Variants in KATNAL2 observed in about 807,000 individuals in gnomAD.
KATNAL2 encodes the protein katanin p60 ATPase-containing subunit A-like 2.
Under a neutral mutation model 76.3 loss-of-function variants are expected in KATNAL2, and 52 were observed. The ratio of observed to expected loss-of-function variants is 0.68; its 90% CI spans 0.55 to 0.86. The LOEUF is 0.86. Ranked by LOEUF, KATNAL2 falls within the 40% of genes least tolerant of loss-of-function variation. The pLI is 0.00. For missense variants in KATNAL2, 660 were observed against 668.9 expected, an observed-to-expected ratio of 0.99 and a Z score of 0.15; for synonymous variants, 243 against 244.2, an observed-to-expected ratio of 1.00 and a Z score of 0.05.
rs1303588381 is a variant in KATNAL2, at chr18:47,099,314, G to A, written c.1283G>A (p.Arg428Lys). ...GTCGATCTCCCCAGCCGGGAGGCCAGGCAGGCCATGATCTACCACTGGCTG... is the reference window on the plus strand; with the variant it reads ...GTCGATCTCCCCAGCCGGGAGGCCAAGCAGGCCATGATCTACCACTGGCTG... The part of the protein sequence containing the change: ...ILVDLPSREA[R>K]QAMIYHWLPP... Residue 428 changes from arginine (R) to lysine (K), a missense_variant, in exon 16 of 18, where the codon AGG becomes AAG. Transcript: ENST00000683218. 6.2e-7 allele frequency: 1 copy of A among 1,614,198 alleles called. No homozygotes were observed.
chr18:47,043,245 A>AAAAAAAAAAAAAAAAAAAAAAAAT lies in KATNAL2; in HGVS notation c.52-3212_52-3211insAAAAAAAAAAAAAAAAAAAAAAAT, dbSNP rs376877321. Among the ~76,000 whole-genome samples, 445 of 93,050 alleles carry AAAAAAAAAAAAAAAAAAAAAAAAT rather than the reference A, an allele frequency of 4.8e-3. 78 individuals are homozygous for AAAAAAAAAAAAAAAAAAAAAAAAT. Among genetic ancestry groups the AAAAAAAAAAAAAAAAAAAAAAAAT allele is most frequent in the African/African-American group, 6.6e-3 (162 of 24,688 alleles). The allele number at this position is 93,050 out of a possible 152,430, so 61.0% of individuals were successfully genotyped here. On this transcript the variant is annotated intron_variant, in intron 3 of 17. Coordinates refer to ENST00000683218, the MANE Select transcript of KATNAL2 (RefSeq NM_001387690.1). ...CCGTTTCAAAAAAAAAAAAAAAAAA[A>AAAAAAAAAAAAAAAAAAAAAAAAT]GAGATCCTAAAAGCTTCCTGGGAAG...
intron 3 of KATNAL2, among the ~76,000 whole-genome samples, chr18:47,031,799 A>T (rs979003823): frequency 2.6e-5 from 4 of 152,118 alleles, no homozygotes; most frequent in African/African-American, 4.8e-5. Context: ...TTATATGGTT[A>T]CTGGCAGTGT....
chr18:47,095,322 A>G (rs1320399690), intron 15 of KATNAL2, among the ~76,000 whole-genome samples: 8 of 152,202 alleles, frequency 5.3e-5, no homozygotes, highest in Non-Finnish European at 8.8e-5. Context: ...TTCATCTTCA[A>G]TTATAATCCT....
chr18:47,032,783 T>C (rs1339802619), intron 3 of KATNAL2: 19 of 779,398 alleles, frequency 2.4e-5, no homozygotes, highest in Non-Finnish European at 3.4e-5. Context: ...AATGCGTTCA[T>C]ATCTTCTGAA....
chr18:47,093,711 G>C (rs2063108171), intron 15 of KATNAL2, among the ~76,000 whole-genome samples: 1 of 151,926 alleles, frequency 6.6e-6, no homozygotes, highest in Non-Finnish European at 1.5e-5. Context: ...GGGTCTCACT[G>C]TGTTGCCCAG....
intron 15 of KATNAL2, among the ~76,000 whole-genome samples, chr18:47,084,847 TAAAAAAAAAAAAAAA>T (rs34034453): frequency 3.9e-5 from 1 of 25,534 alleles, no homozygotes; most frequent in African/African-American, 1.8e-4. Context: ...AGACTCTGTC[TAAAAAAAAAAAAAAA>T]AAAAAAAAAA....
Position 47,042,899 on chromosome 18 carries a change from A to G in KATNAL2, c.52-3558A>G, listed in dbSNP as rs2061010279. Among the ~76,000 whole-genome samples, 3 of 152,310 alleles carry G rather than the reference A, an allele frequency of 2.0e-5. No homozygotes were observed. In the East Asian group the frequency reaches 5.8e-4, roughly 29 times the overall value. ...AGTGAATGGAAAATGACCTACACCA[A>G]AGAAATTGTGTAATTTTAGAACCCT... On this transcript the variant is annotated intron_variant, in intron 3 of 17. Coordinates refer to ENST00000683218, the MANE Select transcript of KATNAL2 (RefSeq NM_001387690.1).
chr18:46,925,691 C>T (rs2058706415), intron 1 of KATNAL2, among the ~76,000 whole-genome samples: 1 of 152,196 alleles, frequency 6.6e-6, no homozygotes, highest in Admixed American at 6.5e-5. Context: ...TGGTAGAATT[C>T]GGCTGTGAAT....
At chr18:47,045,462 A>G (rs1309289408) in intron 3 of KATNAL2, among the ~76,000 whole-genome samples, 1 of 151,718 alleles carries the variant, frequency 6.6e-6, no homozygotes, top group African/African-American at 2.4e-5. Flanking sequence ...AGTAGCTGGG[A>G]TTACAGGTGC....
chr18:46,954,766 C>T (rs955781595), intron 3 of KATNAL2, among the ~76,000 whole-genome samples: 1 of 152,168 alleles, frequency 6.6e-6, no homozygotes, highest in African/African-American at 2.4e-5. Context: ...ACCTCAGCCT[C>T]CAGAGTAGCT....
At position 47,034,409 on chromosome 18, in the gene KATNAL2, C is replaced by G. The variant is rs145748811; in HGVS notation, c.52-12048C>G. On this transcript the variant is annotated intron_variant, in intron 3 of 17. Coordinates refer to ENST00000683218, the MANE Select transcript of KATNAL2 (RefSeq NM_001387690.1). ...ACACGCTGGCCGCTGCCAGCTTGCC[C>G]CCCTTCCTTGTCTGTCTTGAAGTCC... is the stretch of plus-strand genomic sequence containing the variant. The G allele has an allele frequency of 3.1e-5, 50 of 1,613,960 alleles. No individual in the cohort carries two copies. Among genetic ancestry groups the G allele is most frequent in the Non-Finnish European group, 4.2e-5 (49 of 1,180,046 alleles).
At chr18:47,046,434 A>G (rs1320849743) in intron 3 of KATNAL2, 23 bp from the exon 4 acceptor site, 8 of 1,513,640 alleles carry the variant, frequency 5.3e-6, no homozygotes, top group Non-Finnish European at 7.1e-6. Context: ...TTGTCATCCT[A>G]CCTAAATTTT....
intron 3 of KATNAL2, among the ~76,000 whole-genome samples, chr18:46,958,859 T>G (rs2146775000): frequency 6.6e-6 from 1 of 152,358 alleles, no homozygotes; most frequent in South Asian, 2.1e-4. Context: ...CACATTCATG[T>G]GTATGCACAA....
intron 1 of KATNAL2, among the ~76,000 whole-genome samples, chr18:46,925,553 T>C (rs2058702276): frequency 6.6e-6 from 1 of 152,156 alleles, no homozygotes; most frequent in South Asian, 2.1e-4. Context: ...CTTTTTTTGG[T>C]TGTGTCTCTG....
chr18:46,937,110 A>G (rs2146598310), intron 1 of KATNAL2, among the ~76,000 whole-genome samples: 1 of 152,204 alleles, frequency 6.6e-6, no homozygotes, highest in East Asian at 1.9e-4. Flanking sequence ...ATCACTTTCC[A>G]GGTTCTGATG....
intron 3 of KATNAL2, among the ~76,000 whole-genome samples, chr18:46,961,042 C>G (rs551194716): frequency 1.3e-5 from 2 of 152,338 alleles, no homozygotes; most frequent in African/African-American, 2.4e-5. Context: ...GGGGACATAA[C>G]TAAGGGCTAC....
chr18:47,050,181 G>A (rs1011842540), intron 4 of KATNAL2, among the ~76,000 whole-genome samples: 3 of 151,936 alleles, frequency 2.0e-5, no homozygotes, highest in African/African-American at 7.3e-5. Flanking sequence ...CTGGCCTAAG[G>A]AACTCTTTTT....
At chr18:47,045,670 A>T (rs1028913635) in intron 3 of KATNAL2, among the ~76,000 whole-genome samples, 4 of 152,176 alleles carry the variant, frequency 2.6e-5, no homozygotes, top group Non-Finnish European at 4.4e-5. Flanking sequence ...TTGTGCATAG[A>T]TTTTGTGATG....
At chr18:46,949,099 T>C (rs988807319) in intron 3 of KATNAL2, among the ~76,000 whole-genome samples, 25 of 152,056 alleles carry the variant, frequency 1.6e-4, no homozygotes, top group African/African-American at 5.8e-4. Flanking sequence ...GGTTTTGCCA[T>C]GTTGTCCAGG....
Sources: allele counts gnomAD v4.1 joint callset (sites outside exome capture counted in the v4.1 genomes callset), GRCh38; gene constraint gnomAD v4.1.1; transcripts MANE v1.5; gene names NCBI Gene and HGNC (gene_info 2026-07-23, HGNC 2026-07-21).